DOCK10: variants seen among roughly 807,000 people sequenced by gnomAD.
The protein encoded by DOCK10 is dedicator of cytokinesis 10.
In DOCK10, 145 loss-of-function variants were observed where a neutral mutation model predicts 280.1. The observed-to-expected ratio is 0.52, with a 90% CI of 0.45 to 0.59. The LOEUF (loss-of-function observed/expected upper bound fraction) is 0.59, where lower values mean the gene tolerates loss of function less well. Ranked by LOEUF, DOCK10 falls within the 20% of genes least tolerant of loss-of-function variation. The pLI, the probability that DOCK10 is intolerant of heterozygous loss-of-function variation, is 0.00. For missense variants in DOCK10, 2,368 were observed against 2,651.7 expected, an observed-to-expected ratio of 0.89 and a Z score of 2.35; for synonymous variants, 915 against 942.2, an observed-to-expected ratio of 0.97 and a Z score of 0.53.
intron 11 of DOCK10, among the ~76,000 whole-genome samples, chr2:224,870,512 T>C (rs1698201701): frequency 6.6e-6 from 1 of 152,170 alleles, no homozygotes. Context: ...TCCTCCACTT[T>C]GCCATGTCTA....
At chr2:224,845,151 C>T (rs1047906447) in intron 21 of DOCK10, 52 bp downstream of exon 21, 4 of 1,514,732 alleles carry the variant, frequency 2.6e-6, no homozygotes, top group Non-Finnish European at 3.6e-6. Context: ...TAATCTTATG[C>T]CATTAAGCTG....
intron 1 of DOCK10, among the ~76,000 whole-genome samples, chr2:225,039,406 TGAAG>T (rs1323080543): frequency 6.6e-6 from 1 of 152,236 alleles, no homozygotes; most frequent in Non-Finnish European, 1.5e-5. Flanking sequence ...TTTAGGATAA[TGAAG>T]GAGCAAATAT....
rs368630062 is a variant in DOCK10 at position 224,775,111 on chromosome 2, T to C, written c.5807A>G (p.Asn1936Ser). The C allele has an allele frequency of 6.8e-6, 11 of 1,613,826 alleles. No individual in the cohort carries two copies. The highest frequency in any genetic ancestry group is 9.3e-6 in the Non-Finnish European group (11 of 1,179,836). Residue 1936 changes from asparagine (N) to serine (S), a missense_variant, in exon 52 of 56, where the codon AAC becomes AGC. Transcript: ENST00000258390. ...VKIIQDSNKV[N>S]PKDLDPKYAY... is the part of the protein sequence containing the mutation. ...ATATTTGGGGTCCAAATCCTTGGGG[T>C]TTACCTGTGTTAACAGATTATGGGC...
intron 1 of DOCK10, among the ~76,000 whole-genome samples, chr2:224,988,233 T>C (rs1450902616): frequency 6.6e-6 from 1 of 152,152 alleles, no homozygotes; most frequent in African/African-American, 2.4e-5. Flanking sequence ...CCCTGTAGGT[T>C]TCCTTTCTAA....
At chr2:224,848,895 G>GA (rs1011060801) in intron 19 of DOCK10, among the ~76,000 whole-genome samples, 5 of 151,592 alleles carry the variant, frequency 3.3e-5, no homozygotes, top group African/African-American at 9.7e-5. Context: ...TGAAATAAAA[G>GA]AAAAAAAATT....
At chr2:224,852,851 T>C in intron 17 of DOCK10, 84 bp downstream of exon 17, 1 of 1,206,796 alleles carries the variant, frequency 8.3e-7, no homozygotes, top group Admixed American at 2.7e-5. Flanking sequence ...CCATAGTAAT[T>C]TGTATTTGCA....
rs78534398 is a variant in DOCK10, at chr2:225,002,834, C to T, written c.123+39418G>A. On this transcript the variant is annotated intron_variant, in intron 1 of 55. Transcript: ENST00000258390. Reference sequence around the variant, plus strand: ...ATGATCGGGCAGGTGTAAACATCCACATATGCAGAAAGAAAAAAGCCAGCA... The same window carrying T: ...ATGATCGGGCAGGTGTAAACATCCATATATGCAGAAAGAAAAAAGCCAGCA... Among the ~76,000 whole-genome samples, 702 of 152,028 alleles carry T rather than the reference C, an allele frequency of 4.6e-3. 4 individuals carry two copies. The highest frequency in any genetic ancestry group is 0.024 in the Middle Eastern group (7 of 294).
At chr2:224,782,289 G>T (rs758237378) in intron 50 of DOCK10, among the ~76,000 whole-genome samples, 28 of 152,078 alleles carry the variant, frequency 1.8e-4, no homozygotes, top group Non-Finnish European at 3.2e-4. Flanking sequence ...ACCCATATAG[G>T]CATGACTGCA....
chr2:224,775,035 G>A lies in DOCK10; in HGVS notation c.5883C>T (p.Ile1961=), dbSNP rs1362775631. The A allele has an allele frequency of 1.6e-5, 26 of 1,613,902 alleles. No individual in the cohort carries two copies. Among genetic ancestry groups the A allele is most frequent in the Non-Finnish European group, 2.0e-5 (24 of 1,179,896 alleles). ...YVTPFFEEKE[I]EDRKTDFEMH... is the part of the protein sequence containing the mutation. ...TTTCGAAATCTGTCTTCCGGTCTTC[G>A]ATTTCCTTTTCCTCAAAGAACGGCG... The change falls in exon 52 of 56, where the codon ATC becomes ATT. Residue 1961 remains isoleucine, a synonymous_variant. Coordinates refer to ENST00000258390, the MANE Select transcript of DOCK10 (RefSeq NM_014689.3).
At chr2:224,785,184 T>C (rs753109719) in intron 50 of DOCK10, among the ~76,000 whole-genome samples, 2 of 152,192 alleles carry the variant, frequency 1.3e-5, no homozygotes, top group Admixed American at 6.5e-5. Flanking sequence ...TTTTCTCTTC[T>C]CTCTCTTCCT....
chr2:225,008,163 A>G (rs1032301703), intron 1 of DOCK10, among the ~76,000 whole-genome samples: 4 of 152,180 alleles, frequency 2.6e-5, no homozygotes, highest in Admixed American at 1.3e-4. Flanking sequence ...TCATTCATTC[A>G]TAAACTTTTT....
rs746523802 is a variant in DOCK10, at chr2:224,845,289, G to C, written c.2395C>G (p.Gln799Glu). ...ATGTTGTACTCTTGAGAAGCTATCT[G>C]ATCGTGTTTCATCAGAGGAAGCCAA... is the stretch of plus-strand genomic sequence containing the variant. ...YAWLPLMKHD[Q>E]IASQEYNIPI... The change falls in exon 21 of 56, where the codon CAG becomes GAG. Residue 799 changes from glutamine (Q) to glutamate (E), a missense_variant. Transcript: ENST00000258390. The C allele has an allele frequency of 1.3e-6, 2 of 1,590,256 alleles. No homozygotes were observed. The highest frequency in any genetic ancestry group is 1.7e-6 in the Non-Finnish European group (2 of 1,166,968).
intron 2 of DOCK10, among the ~76,000 whole-genome samples, chr2:224,918,141 C>A (rs1210528112): frequency 6.6e-6 from 1 of 152,202 alleles, no homozygotes; most frequent in Non-Finnish European, 1.5e-5. Flanking sequence ...TCTTCCAATC[C>A]TGGACTCTTA....
At chr2:225,037,734 T>A (rs770533063) in intron 1 of DOCK10, among the ~76,000 whole-genome samples, 3 of 152,218 alleles carry the variant, frequency 2.0e-5, no homozygotes, top group African/African-American at 4.8e-5. Context: ...ATGCATTCAT[T>A]ATTGCTTTCT....
At chr2:224,973,325 A>G (rs1392942117) in intron 1 of DOCK10, among the ~76,000 whole-genome samples, 1 of 152,210 alleles carries the variant, frequency 6.6e-6, no homozygotes, top group African/African-American at 2.4e-5. Context: ...TCCAGGCTGT[A>G]GATGGGAATC....
At chr2:224,986,561 C>A (rs1323499110) in intron 1 of DOCK10, among the ~76,000 whole-genome samples, 2 of 152,078 alleles carry the variant, frequency 1.3e-5, no homozygotes, top group Admixed American at 1.3e-4. Flanking sequence ...AAGGGTGGGG[C>A]CTTCATCCTC....
intron 1 of DOCK10, among the ~76,000 whole-genome samples, chr2:225,013,286 C>T (rs1689497070): frequency 6.6e-6 from 1 of 152,072 alleles, no homozygotes; most frequent in Non-Finnish European, 1.5e-5. Context: ...AATCACTTAC[C>T]TATTGGATGA....
At chr2:224,837,955 C>A in intron 24 of DOCK10, 124 bp from the exon 25 acceptor site, 1 of 739,542 alleles carries the variant, frequency 1.4e-6, no homozygotes. Context: ...ATGAACCAAT[C>A]TCTGACTCCT....
At chr2:224,987,005 C>A (rs1165570233) in intron 1 of DOCK10, among the ~76,000 whole-genome samples, 1 of 152,168 alleles carries the variant, frequency 6.6e-6, no homozygotes, top group Non-Finnish European at 1.5e-5. Flanking sequence ...TTTGAAGTAT[C>A]TTTTTGCTGC....
Sources: gnomAD v4.1 joint callset for allele counts (sites outside exome capture counted in the v4.1 genomes callset) on GRCh38, gnomAD v4.1.1 for gene constraint, MANE v1.5 for transcripts, NCBI Gene and HGNC (gene_info 2026-07-23, HGNC 2026-07-21) for gene names.